The following SBSN variants were observed in gnomAD, a reference collection of about 807,000 sequenced individuals.
The protein encoded by SBSN is HLAR698.
SBSN carries 33 observed loss-of-function variants against 42.8 expected under a neutral mutation model. The ratio of observed to expected loss-of-function variants is 0.77; its 90% CI spans 0.58 to 1.03. The LOEUF (loss-of-function observed/expected upper bound fraction) is 1.03. SBSN is among the 50% of genes least tolerant of loss of function. The probability of loss-of-function intolerance (pLI) is 0.00; values close to 1 mark genes in which losing one functional copy is unlikely to be tolerated. For synonymous variants in SBSN, 276 were observed against 307.0 expected, an observed-to-expected ratio of 0.90 and a Z score of 1.06; for missense variants, 646 against 757.3, an observed-to-expected ratio of 0.85 and a Z score of 1.72.
Position 35,524,864 on chromosome 19 carries a change from A to T in SBSN, c.1699T>A (p.Ser567Thr). 1 of 1,614,058 alleles carries T rather than the reference A, an allele frequency of 6.2e-7. No individual in the cohort carries two copies. The highest frequency in any genetic ancestry group is 8.5e-7 in the Non-Finnish European group (1 of 1,180,004). Residue 567 changes from serine to threonine, a missense_variant, in exon 2 of 4, where the codon TCT becomes ACT. This residue lies in a region of SBSN where 236 missense variants were observed against 225.6 expected (regional missense o/e 1.05). Transcript: ENST00000452271. ...ACCCCAGAGTCCGCGCTTACCCCAG[A>T]GGCTAACGGCGTGGTTGTGGCCCCT... ...QGGATTTPLA[S>T]GASVNTPFIN...
At chr19:35,523,650 G>C in intron 3 of SBSN, 117 bp from the exon 4 acceptor site, 5 of 1,019,374 alleles carry the variant, frequency 4.9e-6, no homozygotes, top group Non-Finnish European at 7.7e-6. Flanking sequence ...TGGCCCCGGA[G>C]TTATGTTCTG....
chr19:35,524,273 T>C (rs1296625759), intron 3 of SBSN, among the ~76,000 whole-genome samples: 1 of 152,136 alleles, frequency 6.6e-6, no homozygotes, highest in Non-Finnish European at 1.5e-5. Context: ...GGGGTGACCT[T>C]GCACCAGGGA....
At chr19:35,526,563 G>GC in intron 1 of SBSN, 81 bp downstream of exon 1, 25 of 787,896 alleles carry the variant, frequency 3.2e-5, no homozygotes, top group South Asian at 2.4e-4. Context: ...GGACCCCCCC[G>GC]CCCCGCCAAA....
intron 3 of SBSN, 140 bp from the exon 4 acceptor site, chr19:35,523,673 G>A: frequency 1.2e-6 from 1 of 828,070 alleles, no homozygotes; most frequent in East Asian, 2.6e-5. Flanking sequence ...GAAGTTTCAG[G>A]AAGGTAGCAT....
Position 35,523,452 on chromosome 19 carries a change from T to G in SBSN, c.*58A>C. The G allele has an allele frequency of 3.2e-6, 5 of 1,564,248 alleles. No homozygotes were observed. The highest frequency in any genetic ancestry group is 1.4e-5 in the African/African-American group (1 of 73,836). On this transcript the variant is annotated 3_prime_UTR_variant, in exon 4 of 4. Transcript: ENST00000452271. ...GTCCCCCACCCCCAACCCCTCCAGG[T>G]CATGTCAGCTGATGTGACAACGGCG... is the stretch of plus-strand genomic sequence containing the variant.
In SBSN at chr19:35,523,532, C is replaced by G. The variant is rs554765016; in HGVS notation, c.1751G>C (p.Ser584Thr). Residue 584 changes from serine (S) to threonine (T), a missense_variant and splice_region_variant, in exon 4 of 4, where the codon AGC becomes ACC. Coordinates refer to ENST00000452271, the MANE Select transcript of SBSN (RefSeq NM_001166034.2). ...AGTTTAGGGCATGATGTTGGCGACG[C>G]TCTGGAAGAGAGAAGGAGAGCAGGG... ...PFINLPALWRSVANIMP is the reference protein window; with the variant it reads ...PFINLPALWRTVANIMP The G allele has an allele frequency of 6.2e-7, 1 of 1,614,166 alleles. No individual in the cohort carries two copies. Among genetic ancestry groups the G allele is most frequent in the Admixed American group, 1.7e-5 (1 of 60,024 alleles).
Position 35,527,073 on chromosome 19 carries a change from T to G in SBSN, c.1209A>C (p.Arg403Ser). Residue 403 changes from arginine (R) to serine (S), a missense_variant, in exon 1 of 4, where the codon AGA becomes AGC. Transcript: ENST00000452271. ...AASQVGKEED[R>S]VVQGLHHGVS... Reference sequence around the variant, plus strand: ...CGCCATGATGGAGGCCTTGGACCACTCTGTCTTCCTCCTTCCCCACCTGCG... The same window carrying G: ...CGCCATGATGGAGGCCTTGGACCACGCTGTCTTCCTCCTTCCCCACCTGCG... The G allele has an allele frequency of 6.5e-7, 1 of 1,537,078 alleles. No homozygotes were observed. Among genetic ancestry groups the G allele is most frequent in the Non-Finnish European group, 8.7e-7 (1 of 1,146,750 alleles).
rs144488557 is a variant in SBSN at position 35,526,773 on chromosome 19, G to C, written c.1509C>G (p.Asp503Glu). 3 of 1,604,650 alleles carry C rather than the reference G, an allele frequency of 1.9e-6. No individual in the cohort carries two copies. In the African/African-American group the frequency reaches 4.0e-5, roughly 22 times the overall value. Reference sequence around the variant, plus strand: ...GCTTCTCCACTTCCTTTCCAGCCTGGTCAGCAGCATGGTTGACCCCTTGGC... The same window carrying C: ...GCTTCTCCACTTCCTTTCCAGCCTGCTCAGCAGCATGGTTGACCCCTTGGC... ...KLGQGVNHAA[D>E]QAGKEVEKLG... Residue 503 changes from aspartate (D) to glutamate (E), a missense_variant, in exon 1 of 4, where the codon GAC (aspartate) becomes GAG (glutamate). This residue lies in a region of SBSN where 236 missense variants were observed against 225.6 expected (regional missense o/e 1.05). Coordinates refer to ENST00000452271, the MANE Select transcript of SBSN (RefSeq NM_001166034.2).
Position 35,526,682 on chromosome 19 carries a change from C to T in SBSN, c.1600G>A (p.Val534Ile). The T allele has an allele frequency of 6.6e-7, 1 of 1,511,188 alleles. No homozygotes were observed. The highest frequency in any genetic ancestry group is 1.4e-5 in the African/African-American group (1 of 71,020). The allele number at this position is 1,511,188 out of a possible 1,614,324, so 93.6% of individuals were successfully genotyped here. Reference protein sequence around the residue: ...GKELQNAHNGVNQASKEANQL... With the variant: ...GKELQNAHNGINQASKEANQL... ...TTGGCCTCCTTGCTGGCTTGGTTGA[C>T]CCCATTATGAGCATTCTGCAGCTCC... Residue 534 changes from valine (V) to isoleucine (I), a missense_variant, in exon 1 of 4, where the codon GTC (valine) becomes ATC (isoleucine). Val to Ile is a conservative substitution (Grantham distance 29). Around this residue, in one of 3 missense-constraint regions of SBSN, gnomAD observed 236 missense variants for 225.6 expected, o/e 1.05. Coordinates refer to ENST00000452271, the MANE Select transcript of SBSN (RefSeq NM_001166034.2).
In SBSN at chr19:35,524,724, G is replaced by A; in HGVS notation, c.1736C>T (p.Pro579Leu). The A allele has an allele frequency of 1.2e-6, 2 of 1,614,070 alleles. No individual in the cohort carries two copies. The highest frequency in any genetic ancestry group is 1.1e-5 in the South Asian group (1 of 91,078). ...TGGGGCACTCACCCTCCACAGGGCG[G>A]GAAGGTTGATGAAAGGCGTGTTGAC... Reference protein sequence around the residue: ...ASVNTPFINLPALWRSVANIM... With the variant: ...ASVNTPFINLLALWRSVANIM... Residue 579 changes from proline to leucine, a missense_variant, in exon 3 of 4, where the codon CCC (proline) becomes CTC (leucine). Coordinates refer to ENST00000452271, the MANE Select transcript of SBSN (RefSeq NM_001166034.2).
At chr19:35,524,353 G>A (rs983563069) in intron 3 of SBSN, among the ~76,000 whole-genome samples, 31 of 150,354 alleles carry the variant, frequency 2.1e-4, no homozygotes, top group African/African-American at 5.4e-4. Flanking sequence ...GGGACAGGAG[G>A]GAAGCCAGTC....
intron 3 of SBSN, among the ~76,000 whole-genome samples, chr19:35,524,421 C>T (rs1417290927): frequency 6.6e-6 from 1 of 151,952 alleles, no homozygotes; most frequent in Non-Finnish European, 1.5e-5. Flanking sequence ...AGTCAGCAGC[C>T]CCTCCTCCCT....
intron 3 of SBSN, among the ~76,000 whole-genome samples, chr19:35,524,005 C>T (rs916460700): frequency 2.0e-5 from 3 of 152,132 alleles, no homozygotes; most frequent in Non-Finnish European, 4.4e-5. Context: ...ATGGTGAAAC[C>T]CCTGTCTCTA....
rs1449318621 is a variant in SBSN, at chr19:35,527,227, T to C, written c.1055A>G (p.Gln352Arg). ...CTGACTGGCAGCATGGTGGACCCCC[T>C]GGCCAAACTTCTCTGTCTCCTTCCA... ...EGWKETEKFG[Q>R]GVHHAASQFG... is the part of the protein sequence containing the mutation. Residue 352 changes from glutamine to arginine, a missense_variant, in exon 1 of 4, where the codon CAG becomes CGG. By Grantham distance (43) the Gln-to-Arg change is conservative. This residue lies in a region of SBSN where 220 missense variants were observed against 334.5 expected (regional missense o/e 0.66). Transcript: ENST00000452271. The C allele has an allele frequency of 7.8e-6, 12 of 1,536,786 alleles. 1 individual carries two copies. The highest frequency in any genetic ancestry group is 5.9e-5 in the Admixed American group (3 of 50,936).
At chr19:35,525,368 T>C (rs1368629974) in intron 1 of SBSN, among the ~76,000 whole-genome samples, 1 of 152,120 alleles carries the variant, frequency 6.6e-6, no homozygotes, top group Non-Finnish European at 1.5e-5. Context: ...CCCCGGCTGC[T>C]GTTGCCAGCC....
Position 35,527,758 on chromosome 19 carries a change from T to G in SBSN, c.524A>C (p.His175Pro). 2 of 1,583,118 alleles carry G rather than the reference T, an allele frequency of 1.3e-6. No homozygotes were observed. Among genetic ancestry groups the G allele is most frequent in the Non-Finnish European group, 1.7e-6 (2 of 1,165,384 alleles). Residue 175 changes from histidine (H) to proline (P), a missense_variant, in exon 1 of 4, where the codon CAC becomes CCC. Transcript: ENST00000452271. ...ATTTCCGGCCTGCCCTGCAGCATGG[T>G]GGACTCCCTGGCCAAACCTCCCAGC... is the stretch of plus-strand genomic sequence containing the variant. ...NEAGRFGQGV[H>P]HAAGQAGNEA...
At chr19:35,524,584 G>T in intron 3 of SBSN, 127 bp downstream of exon 3, 2 of 872,818 alleles carry the variant, frequency 2.3e-6, no homozygotes, top group Non-Finnish European at 3.7e-6. Flanking sequence ...GTATCAGGTT[G>T]GAGGGTCTTT....
In SBSN at chr19:35,528,005, C is replaced by G. The variant is rs762260037; in HGVS notation, c.277G>C (p.Gly93Arg). 1.2e-6 allele frequency: 2 copies of G among 1,613,860 alleles called. No individual in the cohort carries two copies. Among genetic ancestry groups the G allele is most frequent in the South Asian group, 2.2e-5 (2 of 91,074 alleles). Reference sequence around the variant, plus strand: ...ATCTCATGGGCAACCTTGTCCATGCCGTGGTTGAGCCCCTGGACGCCTTTG... The same window carrying G: ...ATCTCATGGGCAACCTTGTCCATGCGGTGGTTGAGCCCCTGGACGCCTTTG... ...LDKGVQGLNH[G>R]MDKVAHEINH... is the part of the protein sequence containing the mutation. Residue 93 changes from glycine to arginine, a missense_variant, in exon 1 of 4, where the codon GGC becomes CGC. Around this residue, in one of 3 missense-constraint regions of SBSN, gnomAD observed 190 missense variants for 197.1 expected, o/e 0.96. Coordinates refer to ENST00000452271, the MANE Select transcript of SBSN (RefSeq NM_001166034.2).
intron 1 of SBSN, 123 bp from the exon 2 acceptor site, chr19:35,525,047 C>A (rs963379094): frequency 4.2e-6 from 4 of 945,078 alleles, no homozygotes; most frequent in East Asian, 5.2e-5. Context: ...CACAGCTTAA[C>A]CCACTGCCTC....
Sources: allele counts gnomAD v4.1 joint callset (sites outside exome capture counted in the v4.1 genomes callset), GRCh38; gene constraint gnomAD v4.1.1; regional missense constraint gnomAD v4.1.1; transcripts MANE v1.5; gene names NCBI Gene and HGNC (gene_info 2026-07-23, HGNC 2026-07-21).